The following GINS1 variants were observed in gnomAD, a reference collection of about 807,000 sequenced individuals.
GINS1 encodes DNA replication complex GINS protein PSF1.
A neutral mutation model predicts 34.9 loss-of-function variants in GINS1; 26 were observed. That is an observed-to-expected ratio of 0.74 (90% CI 0.55 to 1.03). GINS1 has a LOEUF of 1.03. Among genes scored for constraint, GINS1 ranks in the 50% least tolerant of loss-of-function variants. The probability of loss-of-function intolerance (pLI) is 0.00; values close to 1 mark genes in which losing one functional copy is unlikely to be tolerated. For synonymous variants in GINS1, 97 were observed against 84.4 expected (o/e 1.15, Z -0.82); for missense variants, 235 against 237.9 (o/e 0.99, Z 0.08).
intron 5 of GINS1, among the ~76,000 whole-genome samples, chr20:25,434,490 C>T (rs2090443667): frequency 6.6e-6 from 1 of 151,028 alleles, no homozygotes; most frequent in Non-Finnish European, 1.5e-5. Context: ...GTTTGTCATC[C>T]AGGCTGGGGT....
At chr20:25,413,930 G>C (rs144778615) in intron 2 of GINS1, 76 bp downstream of exon 2, 8 of 838,652 alleles carry the variant, frequency 9.5e-6, no homozygotes, top group African/African-American at 1.7e-5. Flanking sequence ...GGTGGCTCAC[G>C]CCTGTAATCC....
intron 2 of GINS1, among the ~76,000 whole-genome samples, chr20:25,414,649 A>G (rs2090309028): frequency 1.3e-5 from 2 of 152,188 alleles, no homozygotes; most frequent in Admixed American, 6.5e-5. Flanking sequence ...GCAGTGAGCT[A>G]TGATCACGTT....
intron 5 of GINS1, among the ~76,000 whole-genome samples, chr20:25,429,392 G>A (rs11699033): frequency 6.6e-6 from 1 of 152,252 alleles, no homozygotes; most frequent in African/African-American, 2.4e-5. Context: ...TTATAGTAGG[G>A]ATTGTGTAGG....
At chr20:25,431,798 C>T (rs947949007) in intron 5 of GINS1, among the ~76,000 whole-genome samples, 2 of 152,038 alleles carry the variant, frequency 1.3e-5, no homozygotes, top group African/African-American at 2.4e-5. Context: ...TCTTGAACTC[C>T]TTACCTCAAG....
At chr20:25,429,210 G>A (rs1359872401) in intron 5 of GINS1, among the ~76,000 whole-genome samples, 9 of 151,736 alleles carry the variant, frequency 5.9e-5, no homozygotes, top group East Asian at 2.0e-4. Context: ...GGCTGGTCTC[G>A]AACTCCTGAC....
intron 4 of GINS1, among the ~76,000 whole-genome samples, chr20:25,420,388 T>C (rs540799678): frequency 1.2e-4 from 18 of 152,064 alleles, no homozygotes; most frequent in African/African-American, 3.9e-4. Flanking sequence ...CACCTCAGCC[T>C]CCCAAAGTGC....
chr20:25,437,996 G>A (rs1057255283), intron 5 of GINS1, among the ~76,000 whole-genome samples: 4 of 151,600 alleles, frequency 2.6e-5, no homozygotes, highest in Non-Finnish European at 4.4e-5. Flanking sequence ...GCGGGCACCC[G>A]TAATCCCATC....
At chr20:25,409,049 G>T in intron 1 of GINS1, 1 of 984,462 alleles carries the variant, frequency 1.0e-6, no homozygotes, top group Non-Finnish European at 1.2e-6. Context: ...CCATCCTCAA[G>T]GATGAGGTTA....
At chr20:25,414,498 G>A (rs2090307934) in intron 2 of GINS1, among the ~76,000 whole-genome samples, 1 of 152,068 alleles carries the variant, frequency 6.6e-6, no homozygotes, top group African/African-American at 2.4e-5. Flanking sequence ...GATCAGTTGA[G>A]GCCAGGAGCC....
chr20:25,417,286 C>G, intron 3 of GINS1, 84 bp downstream of exon 3: 2 of 716,322 alleles, frequency 2.8e-6, no homozygotes. Context: ...AACATGAAAT[C>G]TTAGATCTCT....
intron 5 of GINS1, among the ~76,000 whole-genome samples, chr20:25,430,850 C>A (rs2090423298): frequency 6.6e-6 from 1 of 152,194 alleles, no homozygotes. Context: ...ATTTTTGCAT[C>A]AGTGTTCATA....
intron 5 of GINS1, among the ~76,000 whole-genome samples, chr20:25,434,318 A>G (rs891300405): frequency 2.0e-5 from 3 of 152,084 alleles, no homozygotes; most frequent in African/African-American, 7.2e-5. Context: ...CCAACAAAAA[A>G]TAGAGTTATA....
In GINS1 at chr20:25,441,739, A is replaced by T; in HGVS notation, c.485A>T (p.Asp162Val). The T allele has an allele frequency of 5.1e-6, 8 of 1,569,290 alleles. No individual in the cohort carries two copies. The highest frequency in any genetic ancestry group is 7.0e-6 in the Non-Finnish European group (8 of 1,146,714). ...AAAGACTATGGAGAATTTGAAGTTG[A>T]TGATGGCACTTCAGTCCTATTAAAA... Reference protein sequence around the residue: ...CLKDYGEFEVDDGTSVLLKKN... With the variant: ...CLKDYGEFEVVDGTSVLLKKN... The change falls in exon 6 of 7, where the codon GAT (aspartate) becomes GTT (valine). Residue 162 changes from aspartate (D) to valine (V), a missense_variant. Physicochemically the swap from Asp to Val is radical, Grantham distance 152. Coordinates refer to ENST00000262460, the MANE Select transcript of GINS1 (RefSeq NM_021067.5).
rs1427594150 is a variant in GINS1, at chr20:25,425,238, T to A, written c.358T>A (p.Ser120Thr). 7.2e-6 allele frequency: 11 copies of A among 1,526,098 alleles called. No homozygotes were observed. Among genetic ancestry groups the A allele is most frequent in the Non-Finnish European group, 1.0e-5 (11 of 1,100,706 alleles). The allele number at this position is 1,526,098 out of a possible 1,614,324, so 94.5% of individuals were successfully genotyped here. ...EMEWFNNYKRSLATYMRSLGG... is the reference protein window; with the variant it reads ...EMEWFNNYKRTLATYMRSLGG... ...GGAGTGGTTTAATAATTATAAAAGA[T>A]CTCTTGCTACTTATATGAGGTCACT... Residue 120 changes from serine to threonine, a missense_variant, in exon 5 of 7, where the codon TCT (serine) becomes ACT (threonine). Coordinates refer to ENST00000262460, the MANE Select transcript of GINS1 (RefSeq NM_021067.5).
At chr20:25,434,447 TC>T (rs1027289049) in intron 5 of GINS1, among the ~76,000 whole-genome samples, 10 of 151,862 alleles carry the variant, frequency 6.6e-5, no homozygotes, top group African/African-American at 2.4e-4. Context: ...TAATTTTTTT[TC>T]TTTTTTTTTT....
rs557885755 is a variant in GINS1, at chr20:25,413,920, G to A, written c.140+66G>A. The A allele has an allele frequency of 1.6e-4, 145 of 922,508 alleles. No individual in the cohort carries two copies. In the African/African-American group the frequency reaches 1.8e-3, roughly 12 times the overall value. 57.1% of individuals were successfully genotyped at this position (922,508 alleles called of 1,614,324 possible). Reference sequence around the variant, plus strand: ...TAAGATGTTGAAATTGGCCGGGCGCGGTGGCTCACGCCTGTAATCCCAGCA... The same window carrying A: ...TAAGATGTTGAAATTGGCCGGGCGCAGTGGCTCACGCCTGTAATCCCAGCA... On this transcript the variant is annotated intron_variant, in intron 2 of 6. Transcript: ENST00000262460.
chr20:25,431,355 T>C (rs956234348), intron 5 of GINS1, among the ~76,000 whole-genome samples: 3 of 152,054 alleles, frequency 2.0e-5, no homozygotes, highest in Admixed American at 2.0e-4. Flanking sequence ...AATAACCAAA[T>C]TTTAGTTTTA....
chr20:25,417,999 T>C, intron 3 of GINS1, 106 bp from the exon 4 acceptor site: 1 of 750,106 alleles, frequency 1.3e-6, no homozygotes, highest in East Asian at 2.4e-5. Context: ...TTGTTTTCCC[T>C]AAGATGTCTG....
At chr20:25,420,287 C>A (rs1027635246) in intron 4 of GINS1, among the ~76,000 whole-genome samples, 2 of 151,904 alleles carry the variant, frequency 1.3e-5, no homozygotes, top group African/African-American at 4.8e-5. Flanking sequence ...GTGCCCACCA[C>A]TACACCCAGC....
Sources: gnomAD v4.1 joint callset for allele counts (sites outside exome capture counted in the v4.1 genomes callset) on GRCh38, gnomAD v4.1.1 for gene constraint, MANE v1.5 for transcripts, NCBI Gene and HGNC (gene_info 2026-07-23, HGNC 2026-07-21) for gene names.